The following MIPEP variants were observed in gnomAD, a reference collection of about 807,000 sequenced individuals.
The protein encoded by MIPEP is mitochondrial intermediate peptidase.
Under a neutral mutation model 90.3 loss-of-function variants are expected in MIPEP, and 79 were observed. The observed-to-expected ratio is 0.87, with a 90% CI of 0.73 to 1.05. The LOEUF is 1.05. Ranked by LOEUF, MIPEP falls within the 50% of genes least tolerant of loss-of-function variation. The pLI, the probability that MIPEP is intolerant of heterozygous loss-of-function variation, is 0.00. For synonymous variants in MIPEP, 334 were observed against 315.8 expected, an observed-to-expected ratio of 1.06 and a Z score of -0.61; for missense variants, 940 against 905.6, an observed-to-expected ratio of 1.04 and a Z score of -0.49.
intron 2 of MIPEP, 61 bp from the exon 3 acceptor site, chr13:23,881,848 T>C: frequency 7.4e-7 from 1 of 1,353,892 alleles, no homozygotes; most frequent in Middle Eastern, 2.2e-4. Flanking sequence ...TTCCAGGATC[T>C]GAGGGTGAAA....
intron 14 of MIPEP, among the ~76,000 whole-genome samples, chr13:23,830,052 A>G (rs909988132): frequency 2.6e-5 from 4 of 152,352 alleles, no homozygotes; most frequent in African/African-American, 9.6e-5. Context: ...TATCTCATAA[A>G]CTTAAAGACA....
At chr13:23,753,236 A>AT (rs1565982024) in intron 18 of MIPEP, among the ~76,000 whole-genome samples, 36 of 150,032 alleles carry the variant, frequency 2.4e-4, no homozygotes, top group South Asian at 6.2e-4. Flanking sequence ...AAAAAAAAAA[A>AT]AAAATAATAA....
At chr13:23,762,454 T>C (rs1281026231) in intron 16 of MIPEP, among the ~76,000 whole-genome samples, 3 of 152,208 alleles carry the variant, frequency 2.0e-5, no homozygotes, top group Non-Finnish European at 4.4e-5. Context: ...ACTAATTTGC[T>C]TGGGCTCGGC....
chr13:23,809,476 C>G (rs1393991992), intron 15 of MIPEP, among the ~76,000 whole-genome samples: 1 of 152,034 alleles, frequency 6.6e-6, no homozygotes, highest in East Asian at 1.9e-4. Context: ...TCCTGAGTAG[C>G]TGGGATTATA....
intron 12 of MIPEP, among the ~76,000 whole-genome samples, chr13:23,838,225 C>G (rs1869142266): frequency 6.6e-6 from 1 of 152,082 alleles, no homozygotes; most frequent in African/African-American, 2.4e-5. Flanking sequence ...TTCACTGCAG[C>G]CTGGACCTCC....
chr13:23,742,843 G>T (rs904109375), intron 18 of MIPEP, among the ~76,000 whole-genome samples: 2 of 152,204 alleles, frequency 1.3e-5, no homozygotes, highest in African/African-American at 4.8e-5. Context: ...CTTCACTGGG[G>T]TGATGGGGAA....
chr13:23,773,123 G>A (rs1200815373), intron 16 of MIPEP, among the ~76,000 whole-genome samples: 2 of 152,152 alleles, frequency 1.3e-5, no homozygotes, highest in Non-Finnish European at 2.9e-5. Context: ...CCCATTCGCT[G>A]TCCCTCTCCA....
At chr13:23,759,968 G>T in intron 17 of MIPEP, 128 bp downstream of exon 17, 1 of 1,177,090 alleles carries the variant, frequency 8.5e-7, no homozygotes, top group Non-Finnish European at 1.2e-6. Flanking sequence ...TGTGTGGGGA[G>T]CCTGCCACTT....
At chr13:23,835,099 C>A (rs1168690394) in intron 14 of MIPEP, among the ~76,000 whole-genome samples, 4 of 148,496 alleles carry the variant, frequency 2.7e-5, no homozygotes, top group African/African-American at 9.9e-5. Context: ...CGGCTCACTG[C>A]AACCTCTGCC....
chr13:23,731,477 A>G (rs1007868097), intron 18 of MIPEP, among the ~76,000 whole-genome samples: 1 of 152,196 alleles, frequency 6.6e-6, no homozygotes, highest in African/African-American at 2.4e-5. Flanking sequence ...CTCCTACTGC[A>G]TACCATACAT....
Position 23,858,857 on chromosome 13 carries a change from T to TA in MIPEP, c.1106+2dup, listed in dbSNP as rs984918970. On this transcript the variant is annotated splice_region_variant and intron_variant, in intron 10 of 18. Transcript: ENST00000382172. ...CTGTACGGGTATTTCTTGAAAAACT[T>TA]ACCTTTCTGCACGAATCACACCACT... 8.7e-6 allele frequency: 14 copies of TA among 1,613,210 alleles called. No homozygotes were observed. The highest frequency in any genetic ancestry group is 3.4e-6 in the Non-Finnish European group (4 of 1,179,368).
intron 18 of MIPEP, among the ~76,000 whole-genome samples, chr13:23,738,926 C>T (rs1952294395): frequency 6.6e-6 from 1 of 152,210 alleles, no homozygotes; most frequent in African/African-American, 2.4e-5. Flanking sequence ...TTCCCAGTGA[C>T]TCTGCTGCAT....
intron 5 of MIPEP, among the ~76,000 whole-genome samples, chr13:23,874,307 T>A (rs571432536): frequency 1.3e-5 from 2 of 152,268 alleles, no homozygotes; most frequent in African/African-American, 4.8e-5. Context: ...GTGTTAGAAA[T>A]TTTAAGAACA....
chr13:23,863,903 G>C (rs1870416716), intron 8 of MIPEP, among the ~76,000 whole-genome samples: 1 of 152,132 alleles, frequency 6.6e-6, no homozygotes, highest in African/African-American at 2.4e-5. Flanking sequence ...AAGTGCAAAT[G>C]AAAGATGAAT....
chr13:23,875,549 G>GT (rs1477568421), intron 4 of MIPEP, among the ~76,000 whole-genome samples: 1 of 147,222 alleles, frequency 6.8e-6, no homozygotes, highest in Non-Finnish European at 1.5e-5. Context: ...TTTGTCAATG[G>GT]TATTTTTTTT....
At chr13:23,791,707 G>T (rs1316711000) in intron 16 of MIPEP, among the ~76,000 whole-genome samples, 1 of 143,900 alleles carries the variant, frequency 6.9e-6, no homozygotes, top group East Asian at 2.0e-4. Context: ...AAATCAGTCA[G>T]TCAAGCAAAA....
chr13:23,786,343 T>A (rs1952839430), intron 16 of MIPEP, among the ~76,000 whole-genome samples: 1 of 152,038 alleles, frequency 6.6e-6, no homozygotes, highest in African/African-American at 2.4e-5. Context: ...GAAGAAAATA[T>A]AGGCAAAAAT....
chr13:23,815,903 A>G (rs1408872569), intron 14 of MIPEP, among the ~76,000 whole-genome samples: 1 of 152,232 alleles, frequency 6.6e-6, no homozygotes, highest in Non-Finnish European at 1.5e-5. Flanking sequence ...TGCGGGTTCT[A>G]GCTCATATTT....
intron 18 of MIPEP, among the ~76,000 whole-genome samples, chr13:23,751,086 C>T (rs536462513): frequency 1.3e-5 from 2 of 152,320 alleles, no homozygotes; most frequent in African/African-American, 4.8e-5. Flanking sequence ...TGCTGATGTG[C>T]TCCGTGCTGC....
Sources: allele counts gnomAD v4.1 joint callset (sites outside exome capture counted in the v4.1 genomes callset), GRCh38; gene constraint gnomAD v4.1.1; transcripts MANE v1.5; gene names NCBI Gene and HGNC (gene_info 2026-07-23, HGNC 2026-07-21).